The following CACNA2D1 variants were observed in gnomAD, a reference collection of about 807,000 sequenced individuals.
CACNA2D1 encodes calcium voltage-gated channel auxiliary subunit alpha2delta 1.
A neutral mutation model predicts 171.5 loss-of-function variants in CACNA2D1; 53 were observed. The ratio of observed to expected loss-of-function variants is 0.31; its 90% CI spans 0.25 to 0.39. The LOEUF (loss-of-function observed/expected upper bound fraction) is 0.39. Among genes scored for constraint, CACNA2D1 ranks in the 10% least tolerant of loss-of-function variants. The pLI, the probability that CACNA2D1 is intolerant of heterozygous loss-of-function variation, is 1.00. For synonymous variants in CACNA2D1, 442 were observed against 443.1 expected, an observed-to-expected ratio of 1.00 and a Z score of 0.03; for missense variants, 903 against 1,299.8, an observed-to-expected ratio of 0.69 and a Z score of 4.69.
At chr7:82,335,852 A>G (rs1029009243) in intron 2 of CACNA2D1, among the ~76,000 whole-genome samples, 1 of 152,156 alleles carries the variant, frequency 6.6e-6, no homozygotes, top group Non-Finnish European at 1.5e-5. Context: ...GTTTTTAATC[A>G]CTGAATTAAA....
chr7:82,083,617 T>C (rs989614230), intron 7 of CACNA2D1, among the ~76,000 whole-genome samples: 1 of 152,086 alleles, frequency 6.6e-6, no homozygotes, highest in Non-Finnish European at 1.5e-5. Context: ...AATACAAATA[T>C]TTAATTATAA....
intron 18 of CACNA2D1, among the ~76,000 whole-genome samples, chr7:81,999,625 C>G (rs1584350646): frequency 6.6e-6 from 1 of 152,192 alleles, no homozygotes; most frequent in East Asian, 1.9e-4. Context: ...AAAAATAAAA[C>G]AGACCATTTT....
Position 82,078,098 on chromosome 7 carries a change from A to G in CACNA2D1, c.658+6671T>C, listed in dbSNP as rs528316779. 4.6e-5 allele frequency among the ~76,000 whole-genome samples: 7 copies of G among 152,270 alleles called. No individual in the cohort carries two copies. The South Asian group carries it at 1.5e-3, about 32-fold the overall frequency. On this transcript the variant is annotated intron_variant, in intron 7 of 38. Coordinates refer to ENST00000356860, the MANE Select transcript of CACNA2D1 (RefSeq NM_000722.4). Reference sequence around the variant, plus strand: ...AAATCCTAGCAGAAATAGCAACAAGAAGATGTCTCTCAGAGGTCTACTTTA... The same window carrying G: ...AAATCCTAGCAGAAATAGCAACAAGGAGATGTCTCTCAGAGGTCTACTTTA...
At chr7:82,358,601 T>C (rs1820726044) in intron 1 of CACNA2D1, among the ~76,000 whole-genome samples, 1 of 152,052 alleles carries the variant, frequency 6.6e-6, no homozygotes, top group Non-Finnish European at 1.5e-5. Context: ...GTAAAGTACT[T>C]GAGAGTAGGA....
At chr7:82,050,563 G>A in intron 10 of CACNA2D1, 1 of 702,684 alleles carries the variant, frequency 1.4e-6, no homozygotes, top group Non-Finnish European at 2.6e-6. Context: ...CCTCCAGAGA[G>A]ACACAATAGT....
chr7:82,340,423 A>C (rs1585566185), intron 2 of CACNA2D1, among the ~76,000 whole-genome samples: 1 of 149,936 alleles, frequency 6.7e-6, no homozygotes, highest in African/African-American at 2.5e-5. Flanking sequence ...CTCCTTCCTC[A>C]GCCTCCCAAA....
At chr7:81,966,274 C>A (rs923519122) in intron 31 of CACNA2D1, among the ~76,000 whole-genome samples, 2 of 151,332 alleles carry the variant, frequency 1.3e-5, no homozygotes, top group Non-Finnish European at 3.0e-5. Flanking sequence ...GTATGAAAAT[C>A]AATATAATAA....
At chr7:82,300,789 T>C (rs917551042) in intron 3 of CACNA2D1, among the ~76,000 whole-genome samples, 3 of 151,866 alleles carry the variant, frequency 2.0e-5, no homozygotes, top group African/African-American at 7.2e-5. Context: ...AAAACTAAAA[T>C]ATTATAAATA....
At chr7:82,002,408 A>G (rs1291424274) in intron 18 of CACNA2D1, among the ~76,000 whole-genome samples, 2 of 152,230 alleles carry the variant, frequency 1.3e-5, no homozygotes, top group African/African-American at 4.8e-5. Flanking sequence ...TAAGCCACCC[A>G]GTCTATAGTA....
At chr7:82,130,053 T>C (rs1282784314) in intron 5 of CACNA2D1, among the ~76,000 whole-genome samples, 1 of 152,180 alleles carries the variant, frequency 6.6e-6, no homozygotes, top group Admixed American at 6.5e-5. Flanking sequence ...TTCTAGAATA[T>C]AACTATGACG....
chr7:82,111,030 T>C (rs953980682), intron 6 of CACNA2D1, among the ~76,000 whole-genome samples: 1 of 152,054 alleles, frequency 6.6e-6, no homozygotes, highest in East Asian at 1.9e-4. Flanking sequence ...CATGACATAC[T>C]AGGTCCTTAA....
chr7:81,991,033 T>C, intron 21 of CACNA2D1, 152 bp downstream of exon 21: 1 of 521,088 alleles, frequency 1.9e-6, no homozygotes, highest in Non-Finnish European at 3.4e-6. Flanking sequence ...AGTTTTTCCA[T>C]CTTTTCCATT....
intron 9 of CACNA2D1, among the ~76,000 whole-genome samples, chr7:82,063,921 G>A (rs960210409): frequency 1.9e-4 from 29 of 151,194 alleles, no homozygotes; most frequent in Non-Finnish European, 4.1e-4. Context: ...TACAGCGGCA[G>A]GAACATGGTT....
chr7:82,268,185 G>A (rs1322115108), intron 3 of CACNA2D1, among the ~76,000 whole-genome samples: 1 of 152,156 alleles, frequency 6.6e-6, no homozygotes, highest in Admixed American at 6.5e-5. Flanking sequence ...AAAAGTATTT[G>A]CGAAATATTA....
chr7:82,426,127 C>A (rs1422874814), intron 1 of CACNA2D1, among the ~76,000 whole-genome samples: 1 of 133,644 alleles, frequency 7.5e-6, no homozygotes, highest in African/African-American at 2.8e-5. Context: ...CGAGACTCTG[C>A]TTCAAAAATA....
At chr7:82,265,979 G>A (rs1807790051) in intron 3 of CACNA2D1, among the ~76,000 whole-genome samples, 1 of 152,004 alleles carries the variant, frequency 6.6e-6, no homozygotes, top group Non-Finnish European at 1.5e-5. Context: ...ACAGTTAGAT[G>A]GAAACACATT....
intron 3 of CACNA2D1, among the ~76,000 whole-genome samples, chr7:82,179,962 GT>G (rs1362936332): frequency 1.3e-5 from 2 of 151,458 alleles, no homozygotes; most frequent in Admixed American, 6.6e-5. Flanking sequence ...CCATAATAAA[GT>G]TATTGGAAAG....
chr7:82,245,468 A>G (rs1048518336), intron 3 of CACNA2D1, among the ~76,000 whole-genome samples: 2 of 151,260 alleles, frequency 1.3e-5, no homozygotes, highest in Non-Finnish European at 2.9e-5. Context: ...TGGTGTTTCC[A>G]AAGATGCAAA....
chr7:82,334,783 T>C (rs573190215), intron 3 of CACNA2D1, among the ~76,000 whole-genome samples: 3 of 152,248 alleles, frequency 2.0e-5, no homozygotes, highest in African/African-American at 7.2e-5. Context: ...ATGATAATAT[T>C]CTGGGTTTTA....
Sources: gnomAD v4.1 joint callset for allele counts (sites outside exome capture counted in the v4.1 genomes callset) on GRCh38, gnomAD v4.1.1 for gene constraint, MANE v1.5 for transcripts, NCBI Gene and HGNC (gene_info 2026-07-23, HGNC 2026-07-21) for gene names.